The following CEP63 variants were observed in gnomAD, a reference collection of about 807,000 sequenced individuals.
CEP63 encodes centrosomal protein of 63 kDa.
Under a neutral mutation model 89.1 loss-of-function variants are expected in CEP63, and 84 were observed. The ratio of observed to expected loss-of-function variants is 0.94; its 90% CI spans 0.79 to 1.13. CEP63 has a LOEUF of 1.13. CEP63 is among the 50% of genes most tolerant of loss of function. CEP63 has a pLI of 0.00. For synonymous variants in CEP63, 267 were observed against 272.5 expected (o/e 0.98, Z 0.20); for missense variants, 838 against 813.3 (o/e 1.03, Z -0.37).
chr3:134,622,934 C>A, the CEP63 span, among the ~76,000 whole-genome samples: 3 of 152,198 alleles, frequency 2.0e-5, no homozygotes, highest in Non-Finnish European at 4.4e-5. Flanking sequence ...ACCACTGGCC[C>A]AGCACACTGG....
chr3:134,568,671 C>G (rs1957886723), downstream of CEP63, among the ~76,000 whole-genome samples: 1 of 152,214 alleles, frequency 6.6e-6, no homozygotes, highest in African/African-American at 2.4e-5. Flanking sequence ...ACTAAGAAGG[C>G]ATCACCTGAT....
the CEP63 span, among the ~76,000 whole-genome samples, chr3:134,727,827 T>G: frequency 2.0e-5 from 3 of 152,204 alleles, no homozygotes; most frequent in Non-Finnish European, 2.9e-5. Context: ...TGTTTAGAAT[T>G]ATTGAAGTTG....
At chr3:134,548,672 C>T (rs1311217855) in intron 9 of CEP63, among the ~76,000 whole-genome samples, 1 of 150,704 alleles carries the variant, frequency 6.6e-6, no homozygotes, top group African/African-American at 2.4e-5. Context: ...TTTGTTTTTA[C>T]ATTTATTTCT....
chr3:134,496,599 T>G (rs1319051882), intron 2 of CEP63, among the ~76,000 whole-genome samples: 1 of 152,200 alleles, frequency 6.6e-6, no homozygotes. Context: ...GACAGCTGTT[T>G]TGAGCTGGTA....
chr3:134,760,486 C>G, the CEP63 span, among the ~76,000 whole-genome samples: 1 of 152,192 alleles, frequency 6.6e-6, no homozygotes, highest in Non-Finnish European at 1.5e-5. Context: ...ACTATCATCC[C>G]TGTTAAATGT....
intron 3 of CEP63, among the ~76,000 whole-genome samples, chr3:134,525,559 C>G (rs1008560865): frequency 1.3e-5 from 2 of 152,090 alleles, no homozygotes; most frequent in Non-Finnish European, 2.9e-5. Context: ...GGATTTGATT[C>G]TCTCATGATG....
At chr3:134,618,072 C>A in the CEP63 span, among the ~76,000 whole-genome samples, 756 of 152,174 alleles carry the variant, frequency 5.0e-3, 2 homozygotes, top group South Asian at 8.9e-3. Flanking sequence ...GCGTCTGGGG[C>A]TGTGGTCTCA....
the CEP63 span, among the ~76,000 whole-genome samples, chr3:134,727,047 C>T: frequency 6.6e-6 from 1 of 152,166 alleles, no homozygotes; most frequent in African/African-American, 2.4e-5. Context: ...CTCCCATAGT[C>T]TTCACATTTG....
the CEP63 span, among the ~76,000 whole-genome samples, chr3:134,661,713 AGGAAGGCT>A: frequency 1.2e-4 from 18 of 152,094 alleles, no homozygotes; most frequent in African/African-American, 4.3e-4. Flanking sequence ...GAAGGAAGAC[AGGAAGGCT>A]GGAAGGCTGG....
intron 12 of CEP63, 161 bp downstream of exon 12, chr3:134,552,173 A>C: frequency 2.1e-6 from 1 of 466,760 alleles, no homozygotes; most frequent in East Asian, 3.7e-5. Flanking sequence ...AGTGAGCAAA[A>C]TATGACTCTC....
chr3:134,766,257 G>A, the CEP63 span, among the ~76,000 whole-genome samples: 15 of 152,316 alleles, frequency 9.8e-5, no homozygotes, highest in Admixed American at 7.8e-4. Context: ...GAGGGTCAAC[G>A]CTGCAGATGT....
the CEP63 span, among the ~76,000 whole-genome samples, chr3:134,754,981 G>T: frequency 1.3e-5 from 2 of 152,080 alleles, no homozygotes; most frequent in African/African-American, 4.8e-5. Flanking sequence ...CCTCTTCACT[G>T]CAGGTATCTT....
the CEP63 span, among the ~76,000 whole-genome samples, chr3:134,745,395 A>C: frequency 6.6e-6 from 1 of 152,302 alleles, no homozygotes; most frequent in African/African-American, 2.4e-5. Context: ...TAAATGATGC[A>C]TTCTCTCCTT....
At chr3:134,737,456 C>A in the CEP63 span, among the ~76,000 whole-genome samples, 1 of 151,374 alleles carries the variant, frequency 6.6e-6, no homozygotes, top group Admixed American at 6.6e-5. Flanking sequence ...AAACATAATC[C>A]AAGAAAAAAA....
chr3:134,778,838 G>A, the CEP63 span, among the ~76,000 whole-genome samples: 17,530 of 152,204 alleles, frequency 0.12, 1,607 homozygotes, highest in South Asian at 0.32. Context: ...GGGATTACAG[G>A]CGTGAGCCAC....
At chr3:134,702,096 A>C in the CEP63 span, among the ~76,000 whole-genome samples, 1 of 152,212 alleles carries the variant, frequency 6.6e-6, no homozygotes, top group Non-Finnish European at 1.5e-5. Flanking sequence ...CCAAATCACG[A>C]ATGAACTTCC....
chr3:134,615,114 C>T, the CEP63 span: 1 of 152,170 alleles, frequency 6.6e-6, no homozygotes, highest in Non-Finnish European at 1.5e-5. Flanking sequence ...GCTCTCTTTT[C>T]CCTTTTCTTA....
intron 12 of CEP63, among the ~76,000 whole-genome samples, chr3:134,557,439 C>T (rs1458031704): frequency 1.6e-5 from 2 of 127,654 alleles, no homozygotes; most frequent in Non-Finnish European, 3.1e-5. Flanking sequence ...GTATTAAACT[C>T]CAAAGATTAC....
chr3:134,604,265 T>G, the CEP63 span: 3 of 1,613,990 alleles, frequency 1.9e-6, no homozygotes, highest in Non-Finnish European at 2.5e-6. Context: ...TAATTGCACT[T>G]GAGCGTGTAC....
Sources: gnomAD v4.1 joint callset for allele counts (sites outside exome capture counted in the v4.1 genomes callset) on GRCh38, gnomAD v4.1.1 for gene constraint, MANE v1.5 for transcripts, NCBI Gene and HGNC (gene_info 2026-07-23, HGNC 2026-07-21) for gene names.